Variants in PFKFB1 observed in about 807,000 individuals in gnomAD.
The protein encoded by PFKFB1 is 6-phosphofructo-2-kinase/fructose-2,6-biphosphatase 1.
In PFKFB1, 34 loss-of-function variants were observed where a neutral mutation model predicts 46.4. The observed-to-expected ratio is 0.73, with a 90% CI of 0.56 to 0.98. The LOEUF (loss-of-function observed/expected upper bound fraction) is 0.98. Among genes scored for constraint, PFKFB1 ranks in the 50% least tolerant of loss-of-function variants. PFKFB1 has a pLI of 0.00. For missense variants in PFKFB1, 393 were observed against 376.3 expected (o/e 1.04, Z -0.37); for synonymous variants, 119 against 133.8 (o/e 0.89, Z 0.76).
rs757829635 is a variant in PFKFB1, at chrX:54,955,367, T to G, written c.638+786A>C. Among the ~76,000 whole-genome samples the G allele has an allele frequency of 3.4e-4, 38 of 111,299 alleles. No individual in the cohort carries two copies. The East Asian group carries it at 8.2e-3, about 24-fold the overall frequency. ...GCCTCTTTATACTTCTCACTTGGGG[T>G]CTCTTCTCATCATAATACATTTTCA... On this transcript the variant is annotated intron_variant, in intron 7 of 13. Coordinates refer to ENST00000375006, the MANE Select transcript of PFKFB1 (RefSeq NM_002625.4).
intron 10 of PFKFB1, among the ~76,000 whole-genome samples, chrX:54,941,060 C>T (rs1933609690): frequency 9.0e-6 from 1 of 111,661 alleles, no homozygotes; most frequent in Non-Finnish European, 1.9e-5. Flanking sequence ...ACCAATGGAA[C>T]AGAACAGAGC....
At chrX:54,939,923 A>T (rs1247814976) in intron 10 of PFKFB1, among the ~76,000 whole-genome samples, 11 of 111,719 alleles carry the variant, frequency 9.8e-5, no homozygotes, top group African/African-American at 3.3e-4. Context: ...TACCAAAGCC[A>T]GGCAGAGACA....
chrX:54,942,093 G>A (rs2146600358), intron 10 of PFKFB1, among the ~76,000 whole-genome samples: 1 of 111,887 alleles, frequency 8.9e-6, no homozygotes, highest in South Asian at 3.7e-4. Context: ...GTCCTTTGTA[G>A]TGACATGGAT....
chrX:54,960,067 T>C (rs979664903), intron 3 of PFKFB1, among the ~76,000 whole-genome samples, 174 bp from the exon 4 acceptor site: 5 of 112,212 alleles, frequency 4.5e-5, no homozygotes, highest in Non-Finnish European at 3.8e-5. Context: ...CACAGAGGGG[T>C]CAAACAGTTG....
intron 1 of PFKFB1, among the ~76,000 whole-genome samples, chrX:54,982,095 A>G (rs936797372): frequency 8.9e-6 from 1 of 112,069 alleles, no homozygotes; most frequent in South Asian, 3.7e-4. Context: ...AGGCACTCGA[A>G]TAATCCTATA....
chrX:54,937,386 C>T (rs1448856530), intron 11 of PFKFB1, among the ~76,000 whole-genome samples: 2 of 112,130 alleles, frequency 1.8e-5, no homozygotes, highest in Non-Finnish European at 3.8e-5. Context: ...ATTATTCTCC[C>T]CATTTTACAG....
chrX:54,963,167 T>C (rs751163416), intron 2 of PFKFB1, 90 bp downstream of exon 2: 2 of 837,859 alleles, frequency 2.4e-6, no homozygotes, highest in Admixed American at 4.9e-5. Flanking sequence ...GGGGCATTTC[T>C]GGTATTGAGG....
chrX:54,953,373 TGTGCCTAATGGCTTCCA>T (rs1488723657), intron 7 of PFKFB1, among the ~76,000 whole-genome samples: 1 of 112,496 alleles, frequency 8.9e-6, no homozygotes, highest in East Asian at 2.8e-4. Flanking sequence ...CATGCCCATC[TGTGCCTAATGGCTTCCA>T]CAGGGCACTT....
chrX:54,938,545 G>C (rs1933492195), intron 10 of PFKFB1, among the ~76,000 whole-genome samples: 1 of 111,334 alleles, frequency 9.0e-6, no homozygotes, highest in African/African-American at 3.3e-5. Context: ...AAGGGATGGA[G>C]GAAGATCTAC....
chrX:54,981,971 T>G (rs1935006264), intron 1 of PFKFB1, among the ~76,000 whole-genome samples: 1 of 111,768 alleles, frequency 8.9e-6, no homozygotes, highest in Admixed American at 9.5e-5. Context: ...TGCCAGAAGC[T>G]ATTTAATACT....
At position 54,946,067 on chromosome X, in the gene PFKFB1, T is replaced by C. The variant is rs756871562; in HGVS notation, c.994-524A>G. Among the ~76,000 whole-genome samples, 248 of 110,265 alleles carry C rather than the reference T, an allele frequency of 2.2e-3. 3 individuals are homozygous for C. The highest frequency in any genetic ancestry group is 9.9e-3 in the Admixed American group (101 of 10,238). On this transcript the variant is annotated intron_variant, in intron 9 of 13. Coordinates refer to ENST00000375006, the MANE Select transcript of PFKFB1 (RefSeq NM_002625.4). ...GTCTAAGCATCTGAGAATGTGTCCA[T>C]GTGGTCTTTCCATGCAGGTCTCAGT...
At chrX:54,935,673 C>T (rs1051708384) in intron 11 of PFKFB1, among the ~76,000 whole-genome samples, 1 of 111,953 alleles carries the variant, frequency 8.9e-6, no homozygotes, top group African/African-American at 3.3e-5. Flanking sequence ...AAAATGCTCT[C>T]CGCAAGTCAC....
intron 7 of PFKFB1, among the ~76,000 whole-genome samples, chrX:54,953,870 T>G (rs1330152953): frequency 1.8e-5 from 2 of 111,994 alleles, no homozygotes; most frequent in Non-Finnish European, 3.8e-5. Context: ...TCTCTACTCT[T>G]GTTCAGATTT....
At chrX:54,990,859 A>C (rs534030782) in intron 1 of PFKFB1, among the ~76,000 whole-genome samples, 2 of 112,519 alleles carry the variant, frequency 1.8e-5, no homozygotes, top group African/African-American at 6.4e-5. Context: ...ATTTCAGTGA[A>C]TACAGAAAAC....
At chrX:54,951,169 A>C (rs1933963481) in intron 8 of PFKFB1, among the ~76,000 whole-genome samples, 2 of 113,099 alleles carry the variant, frequency 1.8e-5, no homozygotes. Context: ...GCCCAGGCAC[A>C]GGGCCAAATG....
At chrX:54,949,631 C>T (rs1047647854) in intron 8 of PFKFB1, among the ~76,000 whole-genome samples, 6 of 112,159 alleles carry the variant, frequency 5.3e-5, no homozygotes, top group African/African-American at 1.9e-4. Flanking sequence ...TTAGTACATG[C>T]TTGTGGATAA....
rs1319772731 is a variant in PFKFB1, at chrX:54,976,941, T to C, written c.98-13559A>G. On this transcript the variant is annotated intron_variant, in intron 1 of 13. Coordinates refer to ENST00000375006, the MANE Select transcript of PFKFB1 (RefSeq NM_002625.4). Reference sequence around the variant, plus strand: ...TGACATCCTGGACAAGGCAAAATTATAGGAACAGAGAACTGCTCAGTAGTT... The same window carrying C: ...TGACATCCTGGACAAGGCAAAATTACAGGAACAGAGAACTGCTCAGTAGTT... 2.7e-5 allele frequency among the ~76,000 whole-genome samples: 3 copies of C among 110,841 alleles called. No individual in the cohort carries two copies. The East Asian group carries it at 8.5e-4, about 32-fold the overall frequency.
intron 7 of PFKFB1, among the ~76,000 whole-genome samples, chrX:54,954,034 G>C (rs923321782): frequency 9.0e-6 from 1 of 111,584 alleles, no homozygotes; most frequent in Non-Finnish European, 1.9e-5. Flanking sequence ...AAATAGCAGA[G>C]TAGCTAATGC....
chrX:54,981,254 CA>C (rs905489929), intron 1 of PFKFB1, among the ~76,000 whole-genome samples: 7 of 107,308 alleles, frequency 6.5e-5, no homozygotes, highest in African/African-American at 2.4e-4. Flanking sequence ...AACAAACAAA[CA>C]AAAAAAAACA....
Sources: gnomAD v4.1 joint callset for allele counts (sites outside exome capture counted in the v4.1 genomes callset) on GRCh38, gnomAD v4.1.1 for gene constraint, MANE v1.5 for transcripts, NCBI Gene and HGNC (gene_info 2026-07-23, HGNC 2026-07-21) for gene names.